NAV2: variants seen among roughly 807,000 people sequenced by gnomAD.
NAV2 encodes the protein helicase, APC down-regulated 1.
NAV2 carries 54 observed loss-of-function variants against 223.2 expected under a neutral mutation model. That is an observed-to-expected ratio of 0.24 (90% confidence interval 0.19 to 0.30). The LOEUF (loss-of-function observed/expected upper bound fraction) is 0.30, where lower values mean the gene tolerates loss of function less well. Ranked by LOEUF, NAV2 falls within the 10% of genes least tolerant of loss-of-function variation. NAV2 has a pLI of 1.00. For synonymous variants in NAV2, 1,279 were observed against 1,239.3 expected, an observed-to-expected ratio of 1.03 and a Z score of -0.67; for missense variants, 2,806 against 3,147.5, an observed-to-expected ratio of 0.89 and a Z score of 2.60.
intron 1 of NAV2, among the ~76,000 whole-genome samples, chr11:19,707,002 G>A (rs942749042): frequency 1.1e-4 from 17 of 152,250 alleles, no homozygotes; most frequent in Admixed American, 5.2e-4. Flanking sequence ...GTATCTAAAC[G>A]TAGAAAAGGT....
chr11:19,825,857 G>A (rs1473968719), intron 1 of NAV2, among the ~76,000 whole-genome samples: 2 of 152,218 alleles, frequency 1.3e-5, no homozygotes, highest in East Asian at 1.9e-4. Context: ...AACAAATGAT[G>A]CACTCCTTAA....
intron 3 of NAV2, among the ~76,000 whole-genome samples, chr11:19,866,311 A>G (rs1178305236): frequency 1.3e-5 from 2 of 152,226 alleles, no homozygotes; most frequent in Admixed American, 6.5e-5. Flanking sequence ...CCCTGCTCCC[A>G]TTGTGACAGC....
intron 1 of NAV2, among the ~76,000 whole-genome samples, chr11:19,362,492 G>A (rs191018377): frequency 4.6e-5 from 7 of 152,044 alleles, no homozygotes; most frequent in Middle Eastern, 3.4e-3. Flanking sequence ...TTAAAAGTTC[G>A]TCAATGTACC....
At chr11:19,536,710 G>A (rs1424819246) in intron 1 of NAV2, among the ~76,000 whole-genome samples, 3 of 152,200 alleles carry the variant, frequency 2.0e-5, no homozygotes, top group African/African-American at 4.8e-5. Context: ...GACTCCAAAT[G>A]TGGTATCTCT....
chr11:19,567,721 C>T (rs575507698), intron 1 of NAV2, among the ~76,000 whole-genome samples: 1 of 152,170 alleles, frequency 6.6e-6, no homozygotes, highest in Non-Finnish European at 1.5e-5. Context: ...CCACATTCTT[C>T]CTTGTCTTTA....
rs11315576 is a variant in NAV2 at position 19,936,026 on chromosome 11, A to ATTT, written c.2033+1763_2033+1765dup. On this transcript the variant is annotated intron_variant, in intron 7 of 37. Coordinates refer to ENST00000349880, the MANE Select transcript of NAV2 (RefSeq NM_145117.5). ...AGGTGCATGCCGCCATGCCTGGCTA[A>ATTT]TTTTTTTTTTTTTTTTAATTTTAAT... is the stretch of plus-strand genomic sequence containing the variant. Among the ~76,000 whole-genome samples, 1,079 of 139,472 alleles carry ATTT rather than the reference A, an allele frequency of 7.7e-3. 21 individuals are homozygous for ATTT. The highest frequency in any genetic ancestry group is 0.028 in the African/African-American group (1,042 of 37,586). The allele number at this position is 139,472 out of a possible 152,430, so 91.5% of individuals were successfully genotyped here. A position where few individuals can be genotyped will look rare whatever the true frequency, so the allele number is the denominator to read the frequency against.
chr11:19,399,305 G>A (rs1402925394), intron 1 of NAV2, among the ~76,000 whole-genome samples: 3 of 152,188 alleles, frequency 2.0e-5, no homozygotes, highest in Non-Finnish European at 4.4e-5. Context: ...CTAACCTGGA[G>A]AGTCAGCAGC....
chr11:19,499,402 G>C (rs1033060418), intron 1 of NAV2, among the ~76,000 whole-genome samples: 4 of 152,238 alleles, frequency 2.6e-5, no homozygotes, highest in African/African-American at 9.6e-5. Flanking sequence ...GAAAGGGCAG[G>C]TATTCTGTTT....
At chr11:19,757,304 G>A (rs1565263517) in intron 1 of NAV2, among the ~76,000 whole-genome samples, 1 of 152,132 alleles carries the variant, frequency 6.6e-6, no homozygotes, top group African/African-American at 2.4e-5. Context: ...CTCAACGCGT[G>A]TGTGGAGGCC....
chr11:19,694,633 T>A (rs556568032), intron 1 of NAV2, among the ~76,000 whole-genome samples: 1 of 152,224 alleles, frequency 6.6e-6, no homozygotes, highest in Non-Finnish European at 1.5e-5. Context: ...TCTGTAGAAC[T>A]CCCACTGTCA....
chr11:19,400,725 C>CT (rs1849648703), intron 1 of NAV2, among the ~76,000 whole-genome samples: 1 of 152,168 alleles, frequency 6.6e-6, no homozygotes, highest in Non-Finnish European at 1.5e-5. Flanking sequence ...ACAGTGACCC[C>CT]TAGGGCCATG....
intron 1 of NAV2, among the ~76,000 whole-genome samples, chr11:19,485,178 T>C (rs551431362): frequency 1.1e-4 from 17 of 152,292 alleles, no homozygotes. Context: ...GAGCTTTACT[T>C]TGCCATAACT....
At position 19,383,797 on chromosome 11, in the gene NAV2, T is replaced by G. The variant is rs190463539; in HGVS notation, c.75+32770T>G. 1.4e-4 allele frequency among the ~76,000 whole-genome samples: 21 copies of G among 152,350 alleles called. No homozygotes were observed. The East Asian group carries it at 4.0e-3, about 29-fold the overall frequency. On this transcript the variant is annotated intron_variant, in intron 1 of 37. Transcript: ENST00000360655. ...ATACTTGCTCAATAAGCGTTAAAGCTTTTTCCTTTCAATGAGAGAGTAGTT... is the reference window on the plus strand; with the variant it reads ...ATACTTGCTCAATAAGCGTTAAAGCGTTTTCCTTTCAATGAGAGAGTAGTT...
At chr11:19,580,148 C>T (rs914115605) in intron 1 of NAV2, among the ~76,000 whole-genome samples, 7 of 152,156 alleles carry the variant, frequency 4.6e-5, no homozygotes, top group Admixed American at 1.3e-4. Context: ...TTCCAGGGCT[C>T]GCTAATTTCT....
At chr11:19,897,342 C>T (rs946432274) in intron 6 of NAV2, among the ~76,000 whole-genome samples, 16 of 151,990 alleles carry the variant, frequency 1.1e-4, no homozygotes, top group Non-Finnish European at 1.9e-4. Flanking sequence ...TGTAACTAAC[C>T]TGCACGTTGT....
chr11:19,565,138 C>G (rs890061483), intron 1 of NAV2, among the ~76,000 whole-genome samples: 1 of 152,114 alleles, frequency 6.6e-6, no homozygotes, highest in African/African-American at 2.4e-5. Flanking sequence ...TGCCTGCCCC[C>G]TCTCCAGAAA....
Position 20,114,716 on chromosome 11 carries a change from G to A in NAV2, c.7085G>A (p.Gly2362Asp). The A allele has an allele frequency of 6.2e-7, 1 of 1,614,104 alleles. No homozygotes were observed. Among genetic ancestry groups the A allele is most frequent in the East Asian group, 2.2e-5 (1 of 44,856 alleles). The change falls in exon 37 of 38, where the codon GGC becomes GAC. Residue 2362 changes from glycine (G) to aspartate (D), a missense_variant. Transcript: ENST00000349880. ...PLLQLRPEDV[G>D]FDGYSMPREG... ...CTGCAGTTACGGCCTGAGGATGTCGGCTTCGACGGCTACTCCATGCCTCGG... is the reference window on the plus strand; with the variant it reads ...CTGCAGTTACGGCCTGAGGATGTCGACTTCGACGGCTACTCCATGCCTCGG...
intron 1 of NAV2, among the ~76,000 whole-genome samples, chr11:19,418,495 G>A (rs988677585): frequency 2.0e-5 from 3 of 152,208 alleles, no homozygotes; most frequent in Non-Finnish European, 4.4e-5. Context: ...ATTCAAGGAT[G>A]AACAGAATTT....
intron 12 of NAV2, among the ~76,000 whole-genome samples, chr11:20,036,940 G>A (rs951473288): frequency 5.9e-5 from 9 of 152,150 alleles, no homozygotes; most frequent in Admixed American, 5.2e-4. Context: ...GTAGTTTCAT[G>A]TGGACACGTT....
Sources: allele counts gnomAD v4.1 joint callset (sites outside exome capture counted in the v4.1 genomes callset), GRCh38; gene constraint gnomAD v4.1.1; transcripts MANE v1.5; gene names NCBI Gene and HGNC (gene_info 2026-07-23, HGNC 2026-07-21).